The following SLC1A2 variants were observed in gnomAD, a reference collection of about 807,000 sequenced individuals.
The protein encoded by SLC1A2 is excitatory amino acid transporter 2.
A neutral mutation model predicts 48.8 loss-of-function variants in SLC1A2; 15 were observed. The observed-to-expected ratio is 0.31, with a 90% CI of 0.21 to 0.47. The LOEUF (loss-of-function observed/expected upper bound fraction) is 0.47. Ranked by LOEUF, SLC1A2 falls within the 20% of genes least tolerant of loss-of-function variation. The pLI, the probability that SLC1A2 is intolerant of heterozygous loss-of-function variation, is 0.99. For synonymous variants in SLC1A2, 279 were observed against 272.6 expected (o/e 1.02, Z -0.23); for missense variants, 502 against 730.5 (o/e 0.69, Z 3.61).
At chr11:35,273,278 T>C (rs1030611863) in intron 9 of SLC1A2, among the ~76,000 whole-genome samples, 1 of 152,168 alleles carries the variant, frequency 6.6e-6, no homozygotes, top group African/African-American at 2.4e-5. Context: ...GCTCTGGGCA[T>C]TCAAGGGCTA....
At chr11:35,297,167 A>G (rs4756207) in intron 6 of SLC1A2, among the ~76,000 whole-genome samples, 32,853 of 151,984 alleles carry the variant, frequency 0.22, 3,903 homozygotes, top group Admixed American at 0.28. Flanking sequence ...CAAAAAACTC[A>G]TCTAAGTCAG....
intron 1 of SLC1A2, among the ~76,000 whole-genome samples, chr11:35,335,969 T>A (rs1295217593): frequency 5.3e-5 from 8 of 152,300 alleles, no homozygotes; most frequent in Admixed American, 5.2e-4. Context: ...AAATACACAA[T>A]GGAATACTAT....
intron 8 of SLC1A2, among the ~76,000 whole-genome samples, chr11:35,281,612 C>A (rs1850635561): frequency 6.6e-6 from 1 of 152,132 alleles, no homozygotes. Flanking sequence ...AAGGGGATGC[C>A]AAGAAATGAT....
intron 1 of SLC1A2, among the ~76,000 whole-genome samples, chr11:35,321,791 G>A (rs1852077438): frequency 1.3e-5 from 2 of 152,148 alleles, no homozygotes; most frequent in African/African-American, 4.8e-5. Context: ...TACACAGTAA[G>A]TCACGTCCAG....
chr11:35,347,793 A>C (rs1184276175), intron 1 of SLC1A2, among the ~76,000 whole-genome samples: 1 of 152,214 alleles, frequency 6.6e-6, no homozygotes, highest in Non-Finnish European at 1.5e-5. Context: ...GGCTGGTCTC[A>C]AACTCCTGGC....
intron 1 of SLC1A2, among the ~76,000 whole-genome samples, chr11:35,395,739 A>G (rs1225486108): frequency 2.0e-5 from 3 of 147,342 alleles, no homozygotes; most frequent in African/African-American, 5.1e-5. Context: ...GGTTAGTTAC[A>G]TATGTATACA....
At chr11:35,375,623 C>A (rs988268622) in intron 1 of SLC1A2, among the ~76,000 whole-genome samples, 2 of 152,090 alleles carry the variant, frequency 1.3e-5, no homozygotes, top group Admixed American at 1.3e-4. Flanking sequence ...AGTTGGGCCA[C>A]GAGAACCATG....
At chr11:35,321,989 T>C (rs1591471794) in intron 1 of SLC1A2, among the ~76,000 whole-genome samples, 1 of 152,202 alleles carries the variant, frequency 6.6e-6, no homozygotes, top group East Asian at 1.9e-4. Flanking sequence ...AGCAATGCAA[T>C]GCCTTAATGT....
At chr11:35,289,039 G>A (rs1850912084) in intron 7 of SLC1A2, among the ~76,000 whole-genome samples, 2 of 152,234 alleles carry the variant, frequency 1.3e-5, no homozygotes, top group Admixed American at 1.3e-4. Context: ...ATGGCCATAT[G>A]ACAGCCTTCA....
At chr11:35,415,226 C>T (rs542179754) in intron 1 of SLC1A2, among the ~76,000 whole-genome samples, 78 of 152,252 alleles carry the variant, frequency 5.1e-4, no homozygotes, top group Middle Eastern at 3.4e-3. Flanking sequence ...AATTGTGTTG[C>T]ATGGAAGAGG....
chr11:35,356,532 G>T (rs2135109021), intron 1 of SLC1A2, among the ~76,000 whole-genome samples: 1 of 152,330 alleles, frequency 6.6e-6, no homozygotes, highest in East Asian at 1.9e-4. Flanking sequence ...CAAAAATGCG[G>T]TGCATTCCAA....
intron 1 of SLC1A2, among the ~76,000 whole-genome samples, chr11:35,339,964 T>A (rs1363822290): frequency 6.6e-6 from 1 of 152,236 alleles, no homozygotes; most frequent in South Asian, 2.1e-4. Context: ...ATCAAAAATA[T>A]ATTTAACGAC....
intron 6 of SLC1A2, among the ~76,000 whole-genome samples, chr11:35,299,973 TC>T (rs552042839): frequency 2.3e-3 from 355 of 152,112 alleles, no homozygotes; most frequent in African/African-American, 8.1e-3. Flanking sequence ...TACAGGACCA[TC>T]CTAGAGATCT....
chr11:35,267,869 C>T (rs1850147042), intron 9 of SLC1A2, among the ~76,000 whole-genome samples: 1 of 151,994 alleles, frequency 6.6e-6, no homozygotes, highest in South Asian at 2.1e-4. Context: ...CCACAGGTAG[C>T]TACTCTATAT....
intron 9 of SLC1A2, among the ~76,000 whole-genome samples, chr11:35,279,581 C>T (rs1850555025): frequency 6.6e-6 from 1 of 152,314 alleles, no homozygotes; most frequent in South Asian, 2.1e-4. Context: ...TCCCTACATA[C>T]ACCTGAGAAA....
chr11:35,390,263 T>C (rs1854722285), intron 1 of SLC1A2, among the ~76,000 whole-genome samples: 1 of 152,212 alleles, frequency 6.6e-6, no homozygotes, highest in African/African-American at 2.4e-5. Flanking sequence ...TTTCTCATGA[T>C]GTCTCAGCGC....
Position 35,418,908 on chromosome 11 carries a change from G to A in SLC1A2, c.17+42C>T, listed in dbSNP as rs1486880765. ...GGATAGGGGCGCCACCACCCCGCGC[G>A]TGACCCCGCTTTCCCGCGGGTACAG... On this transcript the variant is annotated intron_variant, in intron 1 of 10. Transcript: ENST00000278379. 9.1e-6 allele frequency: 14 copies of A among 1,542,954 alleles called. No homozygotes were observed. The Admixed American group carries it at 2.5e-4, about 28-fold the overall frequency.
At chr11:35,364,175 C>G (rs969042414) in intron 1 of SLC1A2, among the ~76,000 whole-genome samples, 8 of 152,154 alleles carry the variant, frequency 5.3e-5, no homozygotes, top group Non-Finnish European at 1.2e-4. Context: ...TGTCCAGGAG[C>G]TGGCAAGCAG....
chr11:35,389,455 T>TCTC (rs1197111714), intron 1 of SLC1A2, among the ~76,000 whole-genome samples: 40 of 151,364 alleles, frequency 2.6e-4, no homozygotes, highest in East Asian at 7.7e-4. Context: ...TCCTTCTCCT[T>TCTC]CTTCTTCTTC....
Sources: allele counts gnomAD v4.1 joint callset (sites outside exome capture counted in the v4.1 genomes callset), GRCh38; gene constraint gnomAD v4.1.1; transcripts MANE v1.5; gene names NCBI Gene and HGNC (gene_info 2026-07-23, HGNC 2026-07-21).